UNC13C: variants seen among roughly 807,000 people sequenced by gnomAD.
UNC13C encodes protein unc-13 homolog C.
UNC13C carries 174 observed loss-of-function variants against 245.4 expected under a neutral mutation model. That is an observed-to-expected ratio of 0.71 (90% CI 0.63 to 0.80). The LOEUF (loss-of-function observed/expected upper bound fraction) is 0.80, where lower values mean the gene tolerates loss of function less well. Among genes scored for constraint, UNC13C ranks in the 30% least tolerant of loss-of-function variants. The pLI, the probability that UNC13C is intolerant of heterozygous loss-of-function variation, is 0.00. For missense variants in UNC13C, 2,829 were observed against 2,602.9 expected, an observed-to-expected ratio of 1.09 and a Z score of -1.89; for synonymous variants, 992 against 895.1, an observed-to-expected ratio of 1.11 and a Z score of -1.93.
chr15:54,086,906 T>C (rs1394325575), intron 2 of UNC13C, among the ~76,000 whole-genome samples: 1 of 151,946 alleles, frequency 6.6e-6, no homozygotes, highest in Non-Finnish European at 1.5e-5. Flanking sequence ...AGCTAATTTT[T>C]TGTATTTTTA....
intron 5 of UNC13C, 138 bp downstream of exon 5, chr15:54,235,246 T>C (rs1161233386): frequency 3.4e-5 from 20 of 594,782 alleles, no homozygotes; most frequent in Non-Finnish European, 5.5e-5. Flanking sequence ...TGCTACCTGC[T>C]GTTATATTTA....
intron 2 of UNC13C, among the ~76,000 whole-genome samples, chr15:54,141,861 A>G (rs1015427558): frequency 6.6e-6 from 1 of 152,274 alleles, no homozygotes; most frequent in South Asian, 2.1e-4. Flanking sequence ...ATATTTACTT[A>G]TGATAGTTAA....
intron 2 of UNC13C, among the ~76,000 whole-genome samples, chr15:54,055,079 G>C (rs1566977984): frequency 6.6e-6 from 1 of 152,124 alleles, no homozygotes; most frequent in Admixed American, 6.6e-5. Flanking sequence ...TGATCATGCT[G>C]CTTGTTATAT....
chr15:54,059,986 A>G (rs545397474), intron 2 of UNC13C, among the ~76,000 whole-genome samples: 3 of 152,382 alleles, frequency 2.0e-5, no homozygotes, highest in Non-Finnish European at 4.4e-5. Flanking sequence ...TTAAAGACTT[A>G]CATGTTAGAC....
intron 18 of UNC13C, among the ~76,000 whole-genome samples, chr15:54,395,656 A>G (rs1021437795): frequency 1.3e-5 from 2 of 151,974 alleles, no homozygotes; most frequent in Middle Eastern, 3.4e-3. Context: ...AATCTCTTTC[A>G]ATGTAATCCC....
At chr15:54,530,235 G>T (rs1206261619) in intron 25 of UNC13C, among the ~76,000 whole-genome samples, 1 of 152,138 alleles carries the variant, frequency 6.6e-6, no homozygotes, top group Non-Finnish European at 1.5e-5. Flanking sequence ...ATTATAAAAT[G>T]ATGGCCACAT....
At chr15:54,072,456 C>T (rs1390612251) in intron 2 of UNC13C, among the ~76,000 whole-genome samples, 1 of 152,148 alleles carries the variant, frequency 6.6e-6, no homozygotes, top group Non-Finnish European at 1.5e-5. Context: ...TTTGCTTCTT[C>T]AATGGAGCCA....
chr15:54,133,672 A>AT (rs1217678534), intron 2 of UNC13C, among the ~76,000 whole-genome samples: 2 of 152,142 alleles, frequency 1.3e-5, no homozygotes, highest in Non-Finnish European at 2.9e-5. Flanking sequence ...AATTACAGAC[A>AT]TTTTACCACA....
At chr15:54,352,927 A>G (rs1374829711) in intron 17 of UNC13C, among the ~76,000 whole-genome samples, 1 of 152,166 alleles carries the variant, frequency 6.6e-6, no homozygotes, top group African/African-American at 2.4e-5. Context: ...TGATTTTTAC[A>G]ATTTTATCTA....
intron 30 of UNC13C, among the ~76,000 whole-genome samples, chr15:54,606,335 T>C (rs898551804): frequency 1.3e-5 from 2 of 152,188 alleles, no homozygotes; most frequent in African/African-American, 4.8e-5. Flanking sequence ...AACAAATTTA[T>C]AACTTGAAGG....
intron 17 of UNC13C, among the ~76,000 whole-genome samples, chr15:54,344,210 T>C (rs1212090075): frequency 2.0e-5 from 3 of 152,226 alleles, no homozygotes; most frequent in African/African-American, 7.2e-5. Flanking sequence ...TTAATTAAGC[T>C]GCCAAAGTGA....
chr15:54,531,846 C>A (rs1251377570), intron 25 of UNC13C, among the ~76,000 whole-genome samples: 1 of 152,120 alleles, frequency 6.6e-6, no homozygotes, highest in Non-Finnish European at 1.5e-5. Context: ...ACTCTCCTTT[C>A]CAGCCCTAGG....
At chr15:54,317,938 C>G (rs900271355) in intron 13 of UNC13C, among the ~76,000 whole-genome samples, 1 of 151,884 alleles carries the variant, frequency 6.6e-6, no homozygotes, top group Non-Finnish European at 1.5e-5. Context: ...CAACTCTCTA[C>G]TTCTCTGACT....
intron 1 of UNC13C, among the ~76,000 whole-genome samples, chr15:54,010,729 C>T (rs766150108): frequency 3.9e-5 from 6 of 151,992 alleles, no homozygotes; most frequent in Non-Finnish European, 8.8e-5. Context: ...AGGAAGACCA[C>T]GTCGGATACA....
chr15:54,269,395 A>C (rs1160219637), intron 10 of UNC13C, among the ~76,000 whole-genome samples: 1 of 152,172 alleles, frequency 6.6e-6, no homozygotes, highest in African/African-American at 2.4e-5. Context: ...ATAAGCCAAA[A>C]ACAAAATAAA....
intron 10 of UNC13C, among the ~76,000 whole-genome samples, chr15:54,267,596 AT>A (rs200669696): frequency 1.3e-5 from 2 of 150,530 alleles, no homozygotes; most frequent in South Asian, 2.1e-4. Flanking sequence ...TGTCATTTTA[AT>A]TTTTTTTTGC....
chr15:53,926,944 G>T, the UNC13C span, among the ~76,000 whole-genome samples: 1 of 152,148 alleles, frequency 6.6e-6, no homozygotes, highest in Non-Finnish European at 1.5e-5. Context: ...GCTGGATTAC[G>T]GAGGGTTACT....
At chr15:54,153,262 A>G (rs11071050) in intron 4 of UNC13C, among the ~76,000 whole-genome samples, 55,146 of 151,936 alleles carry the variant, frequency 0.36, 11,292 homozygotes, top group Non-Finnish European at 0.47. Context: ...ATAAAATAAA[A>G]TAATTAAGCA....
chr15:54,085,115 A>G (rs189124850), intron 2 of UNC13C, among the ~76,000 whole-genome samples: 1 of 152,190 alleles, frequency 6.6e-6, no homozygotes, highest in Non-Finnish European at 1.5e-5. Context: ...GTAATTTGGA[A>G]TAACCCTCCT....
Sources: gnomAD v4.1 joint callset for allele counts (sites outside exome capture counted in the v4.1 genomes callset) on GRCh38, gnomAD v4.1.1 for gene constraint, MANE v1.5 for transcripts, NCBI Gene and HGNC (gene_info 2026-07-23, HGNC 2026-07-21) for gene names.